Variants in RALYL observed in about 807,000 individuals in gnomAD.
The protein encoded by RALYL is RALY RNA binding protein like, also known as RNA-binding Raly-like protein.
RALYL carries 29 observed loss-of-function variants against 35.1 expected under a neutral mutation model. The ratio of observed to expected loss-of-function variants is 0.83; its 90% CI spans 0.61 to 1.13. RALYL has a LOEUF of 1.13. Among genes scored for constraint, RALYL ranks in the 50% most tolerant of loss-of-function variants. The pLI is 0.00. For missense variants in RALYL, 359 were observed against 360.4 expected (o/e 1.00, Z 0.03); for synonymous variants, 120 against 127.6 (o/e 0.94, Z 0.40).
chr8:84,883,240 G>T (rs115195007), intron 7 of RALYL, among the ~76,000 whole-genome samples: 3,209 of 152,032 alleles, frequency 0.021, 113 homozygotes, highest in African/African-American at 0.073. Flanking sequence ...GCAATGAACT[G>T]TATTAATATA....
chr8:84,253,283 G>A (rs1474157016), intron 1 of RALYL, among the ~76,000 whole-genome samples: 3 of 145,032 alleles, frequency 2.1e-5, no homozygotes, highest in Non-Finnish European at 4.5e-5. Context: ...TCCACCTTCC[G>A]GGTTCAAGCT....
intron 2 of RALYL, among the ~76,000 whole-genome samples, chr8:84,604,208 C>A (rs983146784): frequency 2.6e-5 from 4 of 152,066 alleles, no homozygotes; most frequent in African/African-American, 9.7e-5. Context: ...AGCTTCCATG[C>A]CCTATCTGCC....
At chr8:84,917,340 G>T (rs1848642478) in intron 8 of RALYL, among the ~76,000 whole-genome samples, 1 of 151,834 alleles carries the variant, frequency 6.6e-6, no homozygotes, top group African/African-American at 2.4e-5. Context: ...GTGGAATGGA[G>T]ACAGGGAAAA....
chr8:84,833,516 T>C (rs1831331390), intron 4 of RALYL, among the ~76,000 whole-genome samples: 1 of 151,650 alleles, frequency 6.6e-6, no homozygotes, highest in African/African-American at 2.4e-5. Flanking sequence ...CACACACCTG[T>C]AGTCCCAGCT....
chr8:84,613,700 G>GA (rs995269651), intron 2 of RALYL, among the ~76,000 whole-genome samples: 19 of 150,946 alleles, frequency 1.3e-4, no homozygotes, highest in African/African-American at 3.7e-4. Context: ...AATGTACAGG[G>GA]AAAAAAAGCC....
intron 3 of RALYL, among the ~76,000 whole-genome samples, chr8:84,790,637 G>A (rs111436665): frequency 1.4e-4 from 21 of 152,296 alleles, no homozygotes; most frequent in African/African-American, 5.1e-4. Flanking sequence ...ATCTTTAGCT[G>A]AATTAAATGT....
chr8:84,539,429 T>C (rs186304548), intron 2 of RALYL, among the ~76,000 whole-genome samples: 1 of 152,220 alleles, frequency 6.6e-6, no homozygotes, highest in Admixed American at 6.5e-5. Context: ...CTTTAGCTTT[T>C]TGAAGGTGTT....
intron 1 of RALYL, among the ~76,000 whole-genome samples, chr8:84,320,690 CCTT>C (rs1470908882): frequency 6.6e-6 from 1 of 151,986 alleles, no homozygotes; most frequent in Non-Finnish European, 1.5e-5. Flanking sequence ...CAATAAATGA[CCTT>C]CTTCCTATTT....
At chr8:84,881,534 AT>A (rs1335227571) in intron 7 of RALYL, among the ~76,000 whole-genome samples, 1 of 152,026 alleles carries the variant, frequency 6.6e-6, no homozygotes, top group Non-Finnish European at 1.5e-5. Flanking sequence ...AGCAAACTCA[AT>A]TTAATAAAAA....
intron 1 of RALYL, among the ~76,000 whole-genome samples, chr8:84,258,855 T>C (rs1206918997): frequency 6.6e-6 from 1 of 152,188 alleles, no homozygotes; most frequent in East Asian, 1.9e-4. Context: ...ATACCTCCTC[T>C]GTGAGGACTT....
chr8:84,748,356 G>A (rs1037692072), intron 2 of RALYL, among the ~76,000 whole-genome samples: 1 of 152,024 alleles, frequency 6.6e-6, no homozygotes, highest in South Asian at 2.1e-4. Flanking sequence ...GGATAATATG[G>A]ATGAAAGATG....
intron 3 of RALYL, among the ~76,000 whole-genome samples, chr8:84,776,147 T>G (rs1444626046): frequency 6.6e-6 from 1 of 152,144 alleles, no homozygotes; most frequent in Non-Finnish European, 1.5e-5. Flanking sequence ...GTAAGAAGAG[T>G]GCTCAAAAAT....
At chr8:84,900,160 T>TA (rs1202506785) in intron 8 of RALYL, among the ~76,000 whole-genome samples, 1 of 152,102 alleles carries the variant, frequency 6.6e-6, no homozygotes. Flanking sequence ...ATACAGAGGA[T>TA]AACACAGGGG....
intron 1 of RALYL, among the ~76,000 whole-genome samples, chr8:84,184,654 C>T (rs537661487): frequency 7.1e-4 from 108 of 152,154 alleles, no homozygotes; most frequent in African/African-American, 2.4e-3. Context: ...GTCCCCTCCC[C>T]CCACCCCTCC....
At chr8:84,774,424 T>C (rs1318326956) in intron 2 of RALYL, among the ~76,000 whole-genome samples, 155 bp from the exon 3 acceptor site, 1 of 152,208 alleles carries the variant, frequency 6.6e-6, no homozygotes, top group Non-Finnish European at 1.5e-5. Flanking sequence ...GTGCCTGACA[T>C]AGAGTAAATG....
intron 1 of RALYL, among the ~76,000 whole-genome samples, chr8:84,439,194 A>G (rs1247954052): frequency 6.6e-6 from 1 of 151,804 alleles, no homozygotes; most frequent in Non-Finnish European, 1.5e-5. Flanking sequence ...TGTTTTAGTG[A>G]TATTGATTCT....
intron 1 of RALYL, among the ~76,000 whole-genome samples, chr8:84,337,322 A>G (rs1413085745): frequency 2.0e-5 from 3 of 150,980 alleles, no homozygotes; most frequent in African/African-American, 7.3e-5. Flanking sequence ...AGCTTCAGGA[A>G]TGAATTGTTT....
At chr8:84,574,916 A>G (rs529969185) in intron 2 of RALYL, among the ~76,000 whole-genome samples, 1 of 152,284 alleles carries the variant, frequency 6.6e-6, no homozygotes, top group Admixed American at 6.5e-5. Flanking sequence ...ATTTTTAAAA[A>G]TAGTTGTTTA....
Position 84,405,345 on chromosome 8 carries a change from G to T in RALYL, c.-23-123954G>T, listed in dbSNP as rs2043361167. Among the ~76,000 whole-genome samples the T allele has an allele frequency of 1.3e-5, 2 of 152,034 alleles. 1 individual carries two copies. Among genetic ancestry groups the T allele is most frequent in the South Asian group, 4.1e-4 (2 of 4,828 alleles). ...AAATTCAAAAGCTAGCAGAAGACAAGAAATAATTAAGATCAGAGCATTACT... is the reference window on the plus strand; with the variant it reads ...AAATTCAAAAGCTAGCAGAAGACAATAAATAATTAAGATCAGAGCATTACT... On this transcript the variant is annotated intron_variant, in intron 1 of 8. Transcript: ENST00000521268.
Sources: gnomAD v4.1 joint callset for allele counts (sites outside exome capture counted in the v4.1 genomes callset) on GRCh38, gnomAD v4.1.1 for gene constraint, MANE v1.5 for transcripts, NCBI Gene and HGNC (gene_info 2026-07-23, HGNC 2026-07-21) for gene names.